The following C13orf46 variants were observed in gnomAD, a reference collection of about 807,000 sequenced individuals.
C13orf46 encodes uncharacterized protein C13orf46.
At chr13:113,972,279 G>C (rs2052715511) in intron 1 of C13orf46, among the ~76,000 whole-genome samples, 1 of 152,216 alleles carries the variant, frequency 6.6e-6, no homozygotes, top group Non-Finnish European at 1.5e-5. Flanking sequence ...GAACCCCGTG[G>C]GGAGGGAGGT....
intron 1 of C13orf46, among the ~76,000 whole-genome samples, chr13:113,970,815 C>T (rs2052696907): frequency 6.6e-6 from 1 of 152,152 alleles, no homozygotes; most frequent in African/African-American, 2.4e-5. Flanking sequence ...CTTGATGTGA[C>T]AGAGGACAGG....
chr13:113,948,468 CCT>C, the C13orf46 span, among the ~76,000 whole-genome samples: 1 of 152,176 alleles, frequency 6.6e-6, no homozygotes, highest in Non-Finnish European at 1.5e-5. Context: ...TGCCTGGGAC[CCT>C]GTGTGAGCAC....
chr13:113,957,547 C>T (rs2052548252), intron 6 of C13orf46, among the ~76,000 whole-genome samples: 6 of 126,818 alleles, frequency 4.7e-5, no homozygotes, highest in Admixed American at 1.6e-4. Flanking sequence ...CTGCACTCTG[C>T]CTGCACCCCC....
At chr13:113,942,810 G>A in the C13orf46 span, among the ~76,000 whole-genome samples, 1 of 152,220 alleles carries the variant, frequency 6.6e-6, no homozygotes, top group African/African-American at 2.4e-5. Context: ...CCTTTACCTT[G>A]AGGATGGGAC....
At chr13:113,946,937 C>T in the C13orf46 span, among the ~76,000 whole-genome samples, 2 of 152,246 alleles carry the variant, frequency 1.3e-5, no homozygotes, top group Non-Finnish European at 2.9e-5. Context: ...CCCTTGGGGC[C>T]GACCGGCAGG....
chr13:113,956,054 TC>T lies in C13orf46; in HGVS notation c.*718del, dbSNP rs1245761735. 2 of 136,442 alleles carry T rather than the reference TC, an allele frequency of 1.5e-5. No homozygotes were observed. The highest frequency in any genetic ancestry group is 3.0e-5 in the Non-Finnish European group (2 of 66,962). 8.5% of individuals were successfully genotyped at this position (136,442 alleles called of 1,614,324 possible). On this transcript the variant is annotated 3_prime_UTR_variant, in exon 7 of 7. Coordinates refer to ENST00000636427, the MANE Select transcript of C13orf46 (RefSeq NM_001365455.2). The stretch of plus-strand genomic sequence containing the variant: ...TAGGATCTGGCAGAGAGGAGTAGGA[TC>T]TGGCGGAGAGGAGGAGTAGGATCTG...
intron 4 of C13orf46, among the ~76,000 whole-genome samples, chr13:113,968,129 G>C (rs1318973973): frequency 6.6e-6 from 1 of 152,230 alleles, no homozygotes; most frequent in Non-Finnish European, 1.5e-5. Flanking sequence ...AACCCCCACA[G>C]CATGACGTGT....
At chr13:113,962,677 C>A (rs2052596617) in intron 6 of C13orf46, among the ~76,000 whole-genome samples, 1 of 152,160 alleles carries the variant, frequency 6.6e-6, no homozygotes, top group Non-Finnish European at 1.5e-5. Context: ...CCACCAGCAG[C>A]CCCACTGGGC....
intron 5 of C13orf46, among the ~76,000 whole-genome samples, chr13:113,966,066 G>C (rs1320137983): frequency 1.4e-5 from 2 of 145,038 alleles, no homozygotes; most frequent in Non-Finnish European, 3.1e-5. Context: ...TGATGGGAAT[G>C]ATGGTGGTGA....
intron 1 of C13orf46, among the ~76,000 whole-genome samples, chr13:113,971,835 C>T (rs1383910478): frequency 6.6e-6 from 1 of 152,228 alleles, no homozygotes; most frequent in Non-Finnish European, 1.5e-5. Context: ...AGGCCCGGCC[C>T]TTCTCCTCGG....
chr13:113,966,117 A>G (rs1470634168), intron 5 of C13orf46, among the ~76,000 whole-genome samples: 1 of 147,820 alleles, frequency 6.8e-6, no homozygotes, highest in South Asian at 2.2e-4. Context: ...GATGATGGTG[A>G]TGATGGTGAT....
At chr13:113,943,388 G>A in the C13orf46 span, among the ~76,000 whole-genome samples, 2 of 152,212 alleles carry the variant, frequency 1.3e-5, no homozygotes, top group Non-Finnish European at 2.9e-5. Flanking sequence ...CAGGTTATAG[G>A]AAGATTTAAA....
At chr13:113,936,838 A>C in the C13orf46 span, among the ~76,000 whole-genome samples, 1 of 151,406 alleles carries the variant, frequency 6.6e-6, no homozygotes, top group Non-Finnish European at 1.5e-5. Flanking sequence ...ACTTGCAAAA[A>C]ACCTGAAAAG....
chr13:113,943,020 G>A, the C13orf46 span, among the ~76,000 whole-genome samples: 98 of 152,284 alleles, frequency 6.4e-4, no homozygotes, highest in African/African-American at 2.3e-3. Context: ...CTGGCCCCTC[G>A]GGTCCCTGGG....
At chr13:113,960,461 G>A (rs1038987776) in intron 6 of C13orf46, among the ~76,000 whole-genome samples, 14 of 152,136 alleles carry the variant, frequency 9.2e-5, no homozygotes, top group Non-Finnish European at 1.9e-4. Flanking sequence ...CCCTTGTCAC[G>A]TGTGGTTTGC....
At chr13:113,945,968 C>A in the C13orf46 span, among the ~76,000 whole-genome samples, 9,015 of 143,548 alleles carry the variant, frequency 0.063, 177 homozygotes, top group Non-Finnish European at 0.076. Flanking sequence ...CCCACCGCCG[C>A]CCGTTCACTG....
chr13:113,973,517 C>T (rs763253965), intron 1 of C13orf46, among the ~76,000 whole-genome samples: 4 of 152,204 alleles, frequency 2.6e-5, no homozygotes, highest in Non-Finnish European at 5.9e-5. Flanking sequence ...CCTCTACCTA[C>T]GACCTGGAAG....
the C13orf46 span, among the ~76,000 whole-genome samples, chr13:113,942,551 C>T: frequency 1.3e-5 from 2 of 152,184 alleles, no homozygotes; most frequent in African/African-American, 4.8e-5. Context: ...ACAGCCTTAC[C>T]TCCACAGGAT....
the C13orf46 span, among the ~76,000 whole-genome samples, chr13:113,946,285 C>T: frequency 6.6e-6 from 1 of 152,150 alleles, no homozygotes. Context: ...TCTTGAGAAG[C>T]ACACGCACCC....
Sources: gnomAD v4.1 joint callset for allele counts (sites outside exome capture counted in the v4.1 genomes callset) on GRCh38, gnomAD v4.1.1 for gene constraint, MANE v1.5 for transcripts, NCBI Gene and HGNC (gene_info 2026-07-23, HGNC 2026-07-21) for gene names.